Variants in SCARA5 observed in about 807,000 individuals in gnomAD.
SCARA5 encodes the protein scavenger receptor class A member 5.
In SCARA5, 45 loss-of-function variants were observed where a neutral mutation model predicts 46.3. The ratio of observed to expected loss-of-function variants is 0.97; its 90% CI spans 0.76 to 1.24. The LOEUF is 1.24. Among genes scored for constraint, SCARA5 ranks in the 50% most tolerant of loss-of-function variants. SCARA5 has a pLI of 0.00. For missense variants in SCARA5, 680 were observed against 689.0 expected, an observed-to-expected ratio of 0.99 and a Z score of 0.15; for synonymous variants, 333 against 306.5, an observed-to-expected ratio of 1.09 and a Z score of -0.90.
At chr8:27,907,289 C>T in intron 5 of SCARA5, 43 bp from the exon 6 acceptor site, 1 of 1,431,278 alleles carries the variant, frequency 7.0e-7, no homozygotes. Flanking sequence ...AGATGCAGAA[C>T]AGGAAGGACC....
At chr8:27,889,529 G>A (rs769719052) in intron 7 of SCARA5, among the ~76,000 whole-genome samples, 5 of 151,874 alleles carry the variant, frequency 3.3e-5, no homozygotes, top group Non-Finnish European at 7.4e-5. Flanking sequence ...CTTAGCCCTC[G>A]GGCCAGTTCT....
At chr8:27,946,866 T>C (rs1282236076) in intron 3 of SCARA5, among the ~76,000 whole-genome samples, 1 of 152,176 alleles carries the variant, frequency 6.6e-6, no homozygotes, top group African/African-American at 2.4e-5. Flanking sequence ...CCCTGATTTC[T>C]GTTTTAGCAA....
intron 7 of SCARA5, among the ~76,000 whole-genome samples, chr8:27,901,909 C>T (rs1225753569): frequency 2.6e-5 from 4 of 152,152 alleles, no homozygotes; most frequent in East Asian, 1.9e-4. Flanking sequence ...GGCCTAAGGA[C>T]GTGAGGAAGT....
chr8:27,894,539 T>C (rs899391284), intron 7 of SCARA5, among the ~76,000 whole-genome samples: 1 of 152,182 alleles, frequency 6.6e-6, no homozygotes, highest in African/African-American at 2.4e-5. Flanking sequence ...GGGCCAGTTT[T>C]AAACAATTCG....
chr8:27,900,096 C>T (rs1807126183), intron 7 of SCARA5, among the ~76,000 whole-genome samples: 1 of 151,930 alleles, frequency 6.6e-6, no homozygotes, highest in African/African-American at 2.4e-5. Context: ...CGAGATCGTG[C>T]CACTGCACTC....
At chr8:27,992,061 A>G (rs1478363284) in intron 1 of SCARA5, among the ~76,000 whole-genome samples, 196 bp downstream of exon 1, 1 of 152,110 alleles carries the variant, frequency 6.6e-6, no homozygotes, top group Non-Finnish European at 1.5e-5. Context: ...CAGCCCAGGC[A>G]GTTGGATGAG....
chr8:27,887,842 G>T (rs2129695498), intron 7 of SCARA5, among the ~76,000 whole-genome samples: 1 of 152,234 alleles, frequency 6.6e-6, no homozygotes, highest in Middle Eastern at 3.4e-3. Context: ...TGAGCAACTT[G>T]GTAAGAAAGA....
At chr8:27,980,390 G>C (rs932723446) in intron 2 of SCARA5, among the ~76,000 whole-genome samples, 19 of 152,132 alleles carry the variant, frequency 1.2e-4, no homozygotes, top group African/African-American at 4.3e-4. Context: ...CCTCACTGCG[G>C]GCCTCCTTCA....
Position 27,870,522 on chromosome 8 carries a change from C to T in SCARA5, c.*1412G>A, listed in dbSNP as rs1367052531. The T allele has an allele frequency of 6.6e-6, 1 of 152,252 alleles. No individual in the cohort carries two copies. The highest frequency in any genetic ancestry group is 2.1e-4 in the South Asian group (1 of 4,810). The allele number at this position is 152,252 out of a possible 1,614,324, so 9.4% of individuals were successfully genotyped here. A position where few individuals can be genotyped will look rare whatever the true frequency, so the allele number is the denominator to read the frequency against. Reference sequence around the variant, plus strand: ...GTCTCTCCCCAAGCAGGCCAGTGCTCACCTGATATGACAGGTGATCGTGTA... The same window carrying T: ...GTCTCTCCCCAAGCAGGCCAGTGCTTACCTGATATGACAGGTGATCGTGTA... On this transcript the variant is annotated 3_prime_UTR_variant, in exon 9 of 9. Transcript: ENST00000354914.
intron 4 of SCARA5, among the ~76,000 whole-genome samples, chr8:27,910,950 G>A (rs78474996): frequency 0.024 from 3,613 of 152,240 alleles, 142 homozygotes; most frequent in African/African-American, 0.081. Context: ...CCACACAGGC[G>A]GCGAGTGAGT....
chr8:27,894,487 T>C (rs565038230), intron 7 of SCARA5, among the ~76,000 whole-genome samples: 1 of 152,322 alleles, frequency 6.6e-6, no homozygotes, highest in Non-Finnish European at 1.5e-5. Context: ...CTTGACTGTA[T>C]CTGGGAAGCA....
At chr8:27,897,610 G>A (rs1807085361) in intron 7 of SCARA5, among the ~76,000 whole-genome samples, 1 of 152,242 alleles carries the variant, frequency 6.6e-6, no homozygotes, top group Non-Finnish European at 1.5e-5. Context: ...GCCAGTCCCT[G>A]GTGGGGAGGG....
chr8:27,982,509 A>G (rs1221912093), intron 2 of SCARA5, among the ~76,000 whole-genome samples: 1 of 152,154 alleles, frequency 6.6e-6, no homozygotes, highest in Non-Finnish European at 1.5e-5. Context: ...TCCAGGTCCT[A>G]TTTGGGCTTG....
chr8:27,886,166 G>A (rs1285103091), intron 7 of SCARA5: 3 of 152,670 alleles, frequency 2.0e-5, no homozygotes, highest in African/African-American at 7.2e-5. Flanking sequence ...CCAGACCCCA[G>A]TGTCGGTTCA....
intron 3 of SCARA5, among the ~76,000 whole-genome samples, chr8:27,960,908 T>C (rs1051627265): frequency 6.6e-6 from 1 of 152,210 alleles, no homozygotes; most frequent in African/African-American, 2.4e-5. Context: ...TATGTGTGTG[T>C]ACTGGTTGTG....
intron 4 of SCARA5, among the ~76,000 whole-genome samples, chr8:27,917,029 A>C (rs1807473330): frequency 6.6e-6 from 1 of 152,156 alleles, no homozygotes; most frequent in East Asian, 1.9e-4. Context: ...GAAGTCACCA[A>C]CTATCAACCA....
At chr8:27,896,278 A>G (rs77643332) in intron 7 of SCARA5, among the ~76,000 whole-genome samples, 24,271 of 152,108 alleles carry the variant, frequency 0.16, 2,589 homozygotes, top group Middle Eastern at 0.26. Context: ...GCTCAGGTTC[A>G]TGTGCCCAGG....
At chr8:27,896,323 C>T (rs1221096957) in intron 7 of SCARA5, among the ~76,000 whole-genome samples, 18 of 152,118 alleles carry the variant, frequency 1.2e-4, no homozygotes, top group Non-Finnish European at 1.5e-5. Context: ...TCTGCCATCC[C>T]CTCCTTGCCC....
At chr8:27,899,477 G>T (rs557958798) in intron 7 of SCARA5, among the ~76,000 whole-genome samples, 1 of 152,234 alleles carries the variant, frequency 6.6e-6, no homozygotes, top group African/African-American at 2.4e-5. Flanking sequence ...ACAAGAGAAG[G>T]AGCAGGAGCA....
Sources: gnomAD v4.1 joint callset for allele counts (sites outside exome capture counted in the v4.1 genomes callset) on GRCh38, gnomAD v4.1.1 for gene constraint, MANE v1.5 for transcripts, NCBI Gene and HGNC (gene_info 2026-07-23, HGNC 2026-07-21) for gene names.